Variants in TIPIN observed in about 807,000 individuals in gnomAD.
The protein encoded by TIPIN is TIMELESS interacting protein, also known as TIMELESS-interacting protein.
A neutral mutation model predicts 35.6 loss-of-function variants in TIPIN; 29 were observed. That is an observed-to-expected ratio of 0.82 (90% confidence interval 0.61 to 1.11). TIPIN has a LOEUF of 1.11. TIPIN is among the 50% of genes most tolerant of loss of function. The probability of loss-of-function intolerance (pLI) is 0.00; values close to 1 mark genes in which losing one functional copy is unlikely to be tolerated. For missense variants in TIPIN, 296 were observed against 345.4 expected, an observed-to-expected ratio of 0.86 and a Z score of 1.13; for synonymous variants, 102 against 121.5, an observed-to-expected ratio of 0.84 and a Z score of 1.06.
At chr15:66,361,258 A>ATT (rs377249055), upstream of TIPIN, among the ~76,000 whole-genome samples, 13 of 140,672 alleles carry the variant, frequency 9.2e-5, no homozygotes, top group Middle Eastern at 3.7e-3. Flanking sequence ...TTCTATTGTA[A>ATT]TTTTTTTTTT....
chr15:66,379,055 A>T (rs2093308309), intron 1 of TIPIN, among the ~76,000 whole-genome samples: 1 of 151,918 alleles, frequency 6.6e-6, no homozygotes, highest in African/African-American at 2.4e-5. Context: ...CGCCGTGCAC[A>T]AAGTTTTTTT....
At chr15:66,381,210 T>C (rs1595824621) in intron 1 of TIPIN, among the ~76,000 whole-genome samples, 1 of 152,026 alleles carries the variant, frequency 6.6e-6, no homozygotes, top group Non-Finnish European at 1.5e-5. Flanking sequence ...CTGAGGTGGG[T>C]GGATCACCTG....
At chr15:66,383,014 T>C (rs1435824118) in intron 1 of TIPIN, 4 of 985,210 alleles carry the variant, frequency 4.1e-6, no homozygotes, top group African/African-American at 1.7e-5. Flanking sequence ...ATTGGGGTAA[T>C]TGTTTATCTG....
intron 7 of TIPIN, 40 bp from the exon 8 acceptor site, chr15:66,337,221 T>G: frequency 1.3e-6 from 2 of 1,551,384 alleles, no homozygotes; most frequent in African/African-American, 2.7e-5. Context: ...TATAAGTACC[T>G]GATCCAATCT....
At position 66,337,045 on chromosome 15, in the gene TIPIN, A is replaced by T; in HGVS notation, c.819T>A (p.Asn273Lys). 1 of 1,614,114 alleles carries T rather than the reference A, an allele frequency of 6.2e-7. No individual in the cohort carries two copies. Among genetic ancestry groups the T allele is most frequent in the Non-Finnish European group, 8.5e-7 (1 of 1,180,016 alleles). ...ACTGGTCCAGCAGTGTTTCCTCTTC[A>T]TTTAAAGTATTGGCAATAGCATCAT... ...PCNDAIANTLNEEETLLDQSF... is the reference protein window; with the variant it reads ...PCNDAIANTLKEEETLLDQSF... Residue 273 changes from asparagine (N) to lysine (K), a missense_variant, in exon 8 of 8, where the codon AAT becomes AAA. Transcript: ENST00000261881.
At chr15:66,349,708 A>G (rs988990064) in intron 4 of TIPIN, among the ~76,000 whole-genome samples, 3 of 152,028 alleles carry the variant, frequency 2.0e-5, no homozygotes, top group African/African-American at 7.2e-5. Context: ...GTGAGACCCC[A>G]TATCTACTAA....
chr15:66,351,693 G>A (rs150321103), intron 3 of TIPIN, 93 bp from the exon 4 acceptor site: 51 of 1,055,182 alleles, frequency 4.8e-5, no homozygotes, highest in Non-Finnish European at 6.0e-5. Context: ...GCTGGGATGC[G>A]GTGGCGCGAT....
At chr15:66,353,906 G>A (rs969210368) in intron 1 of TIPIN, among the ~76,000 whole-genome samples, 1 of 151,920 alleles carries the variant, frequency 6.6e-6, no homozygotes, top group Non-Finnish European at 1.5e-5. Flanking sequence ...GGACCATGAG[G>A]TCAGGAGTTC....
chr15:66,357,026 C>T (rs2093208776), upstream of TIPIN, among the ~76,000 whole-genome samples: 1 of 152,084 alleles, frequency 6.6e-6, no homozygotes, highest in African/African-American at 2.4e-5. Context: ...AAACGATCCT[C>T]CCACCTCAGC....
At chr15:66,347,643 C>T (rs949816338) in intron 6 of TIPIN, among the ~76,000 whole-genome samples, 7 of 152,080 alleles carry the variant, frequency 4.6e-5, no homozygotes, top group African/African-American at 7.2e-5. Flanking sequence ...ATTGCAACGA[C>T]GCAATCTCGG....
intron 6 of TIPIN, among the ~76,000 whole-genome samples, chr15:66,345,097 C>T (rs893990137): frequency 6.6e-6 from 1 of 151,934 alleles, no homozygotes; most frequent in African/African-American, 2.4e-5. Flanking sequence ...ATAGGGGAGT[C>T]AGAAATGATG....
chr15:66,375,033 T>A (rs185827654), intron 1 of TIPIN, among the ~76,000 whole-genome samples: 3 of 152,252 alleles, frequency 2.0e-5, no homozygotes, highest in Admixed American at 6.6e-5. Context: ...TTTGGTTTTT[T>A]AATTGGATTG....
chr15:66,339,202 C>A (rs2093068659), intron 7 of TIPIN, among the ~76,000 whole-genome samples: 1 of 145,796 alleles, frequency 6.9e-6, no homozygotes, highest in Admixed American at 6.9e-5. Context: ...AAAAAAGTAG[C>A]CAAAATAATT....
At chr15:66,348,067 G>C (rs2093139341) in intron 6 of TIPIN, among the ~76,000 whole-genome samples, 1 of 143,762 alleles carries the variant, frequency 7.0e-6, no homozygotes, top group African/African-American at 2.6e-5. Context: ...AGAGTATAGT[G>C]GTGTGATCCT....
chr15:66,361,477 A>C (rs1272142338), upstream of TIPIN, among the ~76,000 whole-genome samples: 1 of 151,112 alleles, frequency 6.6e-6, no homozygotes, highest in Non-Finnish European at 1.5e-5. Flanking sequence ...GGATGGTCTC[A>C]ATCTCCTGAC....
intron 1 of TIPIN, among the ~76,000 whole-genome samples, chr15:66,376,503 AC>A (rs1443806554): frequency 6.6e-6 from 1 of 151,676 alleles, no homozygotes; most frequent in Non-Finnish European, 1.5e-5. Flanking sequence ...GTCTCGGCTC[AC>A]CGCAACCTCT....
chr15:66,341,125 A>G, intron 7 of TIPIN, 25 bp downstream of exon 7: 1 of 1,598,684 alleles, frequency 6.3e-7, no homozygotes, highest in Non-Finnish European at 8.5e-7. Flanking sequence ...TAATGGTAGC[A>G]TATAAAATTT....
intron 4 of TIPIN, among the ~76,000 whole-genome samples, chr15:66,350,848 TG>T (rs1825403761): frequency 6.9e-6 from 1 of 144,600 alleles, no homozygotes; most frequent in South Asian, 2.1e-4. Context: ...GGCAGGAGAA[TG>T]GCGTAAACCT....
chr15:66,375,186 A>G (rs2093291909), intron 1 of TIPIN, among the ~76,000 whole-genome samples: 1 of 152,038 alleles, frequency 6.6e-6, no homozygotes. Flanking sequence ...GGCTGAGGTG[A>G]GAAGATCGCT....
Sources: gnomAD v4.1 joint callset for allele counts (sites outside exome capture counted in the v4.1 genomes callset) on GRCh38, gnomAD v4.1.1 for gene constraint, MANE v1.5 for transcripts, NCBI Gene and HGNC (gene_info 2026-07-23, HGNC 2026-07-21) for gene names.